CCDC170: variants seen among roughly 807,000 people sequenced by gnomAD.
The protein encoded by CCDC170 is coiled-coil domain-containing protein 170.
Under a neutral mutation model 72.6 loss-of-function variants are expected in CCDC170, and 69 were observed. The ratio of observed to expected loss-of-function variants is 0.95; its 90% CI spans 0.78 to 1.16. The LOEUF (loss-of-function observed/expected upper bound fraction) is 1.16, where lower values mean the gene tolerates loss of function less well. Among genes scored for constraint, CCDC170 ranks in the 50% most tolerant of loss-of-function variants. The pLI is 0.00. For missense variants in CCDC170, 852 were observed against 832.5 expected, an observed-to-expected ratio of 1.02 and a Z score of -0.29; for synonymous variants, 300 against 303.9, an observed-to-expected ratio of 0.99 and a Z score of 0.13.
chr6:151,560,033 A>G (rs1783052295), intron 5 of CCDC170, among the ~76,000 whole-genome samples: 1 of 152,074 alleles, frequency 6.6e-6, no homozygotes, highest in African/African-American at 2.4e-5. Context: ...GTGTGATGTT[A>G]GGTTGTTAAT....
At chr6:151,569,529 G>A (rs1040731369) in intron 5 of CCDC170, among the ~76,000 whole-genome samples, 2 of 152,194 alleles carry the variant, frequency 1.3e-5, no homozygotes, top group Non-Finnish European at 2.9e-5. Flanking sequence ...CCTCTGTGGA[G>A]GTCAGTCTTG....
At chr6:151,539,728 C>A (rs1782652424) in intron 3 of CCDC170, among the ~76,000 whole-genome samples, 1 of 152,232 alleles carries the variant, frequency 6.6e-6, no homozygotes, top group Admixed American at 6.5e-5. Context: ...ACATATCTTA[C>A]TAGCTACTGT....
intron 9 of CCDC170, among the ~76,000 whole-genome samples, chr6:151,600,879 C>A (rs1327864033): frequency 6.6e-6 from 1 of 152,174 alleles, no homozygotes; most frequent in Non-Finnish European, 1.5e-5. Context: ...AAATCCCACA[C>A]CCATCCACAG....
intron 5 of CCDC170, among the ~76,000 whole-genome samples, chr6:151,549,612 A>G (rs1365383993): frequency 6.6e-6 from 1 of 151,812 alleles, no homozygotes; most frequent in Non-Finnish European, 1.5e-5. Context: ...TTATTTGTAG[A>G]GACGGGGTCT....
intron 5 of CCDC170, among the ~76,000 whole-genome samples, chr6:151,560,759 T>C (rs1224748599): frequency 1.3e-5 from 2 of 152,186 alleles, no homozygotes; most frequent in Non-Finnish European, 2.9e-5. Flanking sequence ...TTCTGTTTTA[T>C]CTGATACAAG....
At chr6:151,536,819 A>G (rs1289555345) in intron 2 of CCDC170, among the ~76,000 whole-genome samples, 1 of 150,968 alleles carries the variant, frequency 6.6e-6, no homozygotes, top group African/African-American at 2.4e-5. Context: ...AAGAGACAGA[A>G]TGTAGGAGTG....
At chr6:151,577,997 C>T (rs1776328170) in intron 6 of CCDC170, among the ~76,000 whole-genome samples, 1 of 152,094 alleles carries the variant, frequency 6.6e-6, no homozygotes, top group Admixed American at 6.5e-5. Context: ...TTCACAGCCC[C>T]CTCCTCCCCA....
At chr6:151,521,985 CAAAAAAA>C (rs34730093) in intron 1 of CCDC170, among the ~76,000 whole-genome samples, 2 of 78,292 alleles carry the variant, frequency 2.6e-5, no homozygotes, top group Non-Finnish European at 5.1e-5. Context: ...GACTCTGTCT[CAAAAAAA>C]AAAAAAAAAA....
intron 5 of CCDC170, among the ~76,000 whole-genome samples, chr6:151,556,837 T>TA (rs35140143): frequency 0.94 from 142,543 of 152,222 alleles, 66,861 homozygotes; most frequent in African/African-American, 0.98. Flanking sequence ...TTCTTCTATC[T>TA]ACTGTATGCT....
intron 6 of CCDC170, among the ~76,000 whole-genome samples, chr6:151,582,663 C>T (rs190554532): frequency 5.3e-5 from 8 of 152,182 alleles, no homozygotes; most frequent in African/African-American, 1.7e-4. Flanking sequence ...AAGCACAGTG[C>T]CATCTACTTC....
chr6:151,610,499 T>C (rs1029680252), intron 9 of CCDC170, among the ~76,000 whole-genome samples: 1 of 152,216 alleles, frequency 6.6e-6, no homozygotes, highest in Non-Finnish European at 1.5e-5. Context: ...TGCCAAAGCA[T>C]GTGAGAGTAA....
chr6:151,506,422 T>C (rs375091482), intron 1 of CCDC170, among the ~76,000 whole-genome samples: 2 of 152,244 alleles, frequency 1.3e-5, no homozygotes, highest in South Asian at 4.1e-4. Context: ...ATGCCTGTGC[T>C]TCTATTCGTG....
intron 6 of CCDC170, among the ~76,000 whole-genome samples, chr6:151,582,945 A>G (rs530888119): frequency 2.7e-4 from 41 of 151,338 alleles, no homozygotes; most frequent in African/African-American, 1.0e-3. Context: ...TTTAGAGAGG[A>G]CAAATATCCA....
At chr6:151,546,236 T>G (rs1782770808) in intron 4 of CCDC170, among the ~76,000 whole-genome samples, 1 of 152,156 alleles carries the variant, frequency 6.6e-6, no homozygotes, top group African/African-American at 2.4e-5. Flanking sequence ...CACCTGATGC[T>G]CTCATGGGTG....
chr6:151,570,595 A>G (rs1410132136), intron 5 of CCDC170, among the ~76,000 whole-genome samples: 2 of 152,084 alleles, frequency 1.3e-5, no homozygotes, highest in Admixed American at 6.6e-5. Flanking sequence ...TCCATTTTAT[A>G]TGGGAGACTT....
At chr6:151,531,625 A>G (rs1462061349) in intron 1 of CCDC170, among the ~76,000 whole-genome samples, 2 of 152,226 alleles carry the variant, frequency 1.3e-5, no homozygotes, top group African/African-American at 4.8e-5. Context: ...CGTTATTGCT[A>G]TTAATGTTTA....
At chr6:151,582,021 G>A (rs1776384895) in intron 6 of CCDC170, among the ~76,000 whole-genome samples, 1 of 152,140 alleles carries the variant, frequency 6.6e-6, no homozygotes, top group South Asian at 2.1e-4. Flanking sequence ...TTTCTTAAGG[G>A]GCCTAGGGTC....
intron 7 of CCDC170, among the ~76,000 whole-genome samples, chr6:151,590,831 G>C (rs1336620485): frequency 6.6e-6 from 1 of 152,160 alleles, no homozygotes; most frequent in Non-Finnish European, 1.5e-5. Flanking sequence ...TAGAAAGAAA[G>C]AGGGTTTCAT....
intron 5 of CCDC170, among the ~76,000 whole-genome samples, chr6:151,557,677 C>T (rs1477723749): frequency 6.6e-6 from 1 of 152,144 alleles, no homozygotes; most frequent in Non-Finnish European, 1.5e-5. Context: ...AAAGTTATCT[C>T]TTCTCTGTAT....
Sources: gnomAD v4.1 joint callset for allele counts (sites outside exome capture counted in the v4.1 genomes callset) on GRCh38, gnomAD v4.1.1 for gene constraint, MANE v1.5 for transcripts, NCBI Gene and HGNC (gene_info 2026-07-23, HGNC 2026-07-21) for gene names.